Variants in EFHD2 observed in about 807,000 individuals in gnomAD.
EFHD2 encodes the protein EF-hand domain-containing protein D2.
In EFHD2, 12 loss-of-function variants were observed where a neutral mutation model predicts 20.3. The observed-to-expected ratio is 0.59, with a 90% CI of 0.38 to 0.96. The LOEUF is 0.96. Ranked by LOEUF, EFHD2 falls within the 40% of genes least tolerant of loss-of-function variation. The pLI, the probability that EFHD2 is intolerant of heterozygous loss-of-function variation, is 0.00. For synonymous variants in EFHD2, 131 were observed against 143.9 expected, an observed-to-expected ratio of 0.91 and a Z score of 0.64; for missense variants, 250 against 334.3, an observed-to-expected ratio of 0.75 and a Z score of 1.97.
chr1:15,415,805 T>A (rs1707657619), intron 1 of EFHD2, among the ~76,000 whole-genome samples: 1 of 152,178 alleles, frequency 6.6e-6, no homozygotes, highest in Non-Finnish European at 1.5e-5. Context: ...CTATCATTTT[T>A]ATCCCCATTT....
At chr1:15,428,558 C>A (rs1707910806) in intron 3 of EFHD2, 35 bp from the exon 4 acceptor site, 2 of 1,604,742 alleles carry the variant, frequency 1.2e-6, no homozygotes, top group African/African-American at 2.7e-5. Flanking sequence ...CATACACCAT[C>A]CAGCCCTGAC....
At chr1:15,427,715 T>C (rs1707898114) in intron 3 of EFHD2, among the ~76,000 whole-genome samples, 2 of 152,152 alleles carry the variant, frequency 1.3e-5, no homozygotes, top group Non-Finnish European at 2.9e-5. Context: ...ACCCTCCCCT[T>C]TCAGCAGGTT....
intron 1 of EFHD2, among the ~76,000 whole-genome samples, chr1:15,422,946 ACCTT>A (rs1397133436): frequency 3.3e-5 from 5 of 150,442 alleles, no homozygotes; most frequent in Non-Finnish European, 2.9e-5. Context: ...GTCATCGCTG[ACCTT>A]GGGAGCCCAG....
chr1:15,424,572 A>G (rs1707842463), intron 1 of EFHD2, among the ~76,000 whole-genome samples: 1 of 151,858 alleles, frequency 6.6e-6, no homozygotes, highest in African/African-American at 2.4e-5. Context: ...CACCCCGCCA[A>G]TCTCCGCCAC....
At chr1:15,423,073 G>A (rs974376706) in intron 1 of EFHD2, among the ~76,000 whole-genome samples, 3 of 152,122 alleles carry the variant, frequency 2.0e-5, no homozygotes, top group Admixed American at 1.3e-4. Flanking sequence ...ACAGCCCCAC[G>A]GTCATGTGGC....
At chr1:15,423,948 GGGA>G (rs562355565) in intron 1 of EFHD2, among the ~76,000 whole-genome samples, 65 of 152,198 alleles carry the variant, frequency 4.3e-4, no homozygotes, top group African/African-American at 1.5e-3. Flanking sequence ...CCAGCACTCT[GGGA>G]GGCTGATGTA....
At chr1:15,422,514 C>T (rs2103277365) in intron 1 of EFHD2, among the ~76,000 whole-genome samples, 1 of 152,222 alleles carries the variant, frequency 6.6e-6, no homozygotes, top group East Asian at 1.9e-4. Context: ...ACCAAAAACA[C>T]CTCTAGACAT....
Position 15,428,684 on chromosome 1 carries a change from G to A in EFHD2, c.683G>A (p.Arg228Gln), listed in dbSNP as rs769340449. Reference protein sequence around the residue: ...RKKQAEEMKQRKAAFKELQST... With the variant: ...RKKQAEEMKQQKAAFKELQST... The stretch of plus-strand genomic sequence containing the variant: ...AAGCAGGCGGAGGAGATGAAGCAGC[G>A]GAAAGCGGCCTTCAAGGAGCTGCAG... Residue 228 changes from arginine to glutamine, a missense_variant, in exon 4 of 4, where the codon CGG (arginine) becomes CAG (glutamine). Arg to Gln is a conservative substitution (Grantham distance 43). Transcript: ENST00000375980. The A allele has an allele frequency of 5.6e-6, 9 of 1,603,170 alleles. No individual in the cohort carries two copies. Among genetic ancestry groups the A allele is most frequent in the Admixed American group, 1.7e-5 (1 of 58,742 alleles).
Position 15,428,718 on chromosome 1 carries a change from T to C in EFHD2, c.717T>C (p.Phe239=). 1 of 1,585,468 alleles carries C rather than the reference T, an allele frequency of 6.3e-7. No homozygotes were observed. Among genetic ancestry groups the C allele is most frequent in the Non-Finnish European group, 8.6e-7 (1 of 1,166,832 alleles). The change falls in exon 4 of 4, where the codon TTT becomes TTC. Residue 239 remains phenylalanine (F), a synonymous_variant. Transcript: ENST00000375980. Reference sequence around the variant, plus strand: ...CCTTCAAGGAGCTGCAGTCCACCTTTAAGTAGCGGGGGCTGCAGCCGACCG... The same window carrying C: ...CCTTCAAGGAGCTGCAGTCCACCTTCAAGTAGCGGGGGCTGCAGCCGACCG... The part of the protein sequence containing the change: ...KAAFKELQST[F]K
chr1:15,418,462 C>T (rs1405403298), intron 1 of EFHD2, among the ~76,000 whole-genome samples: 19 of 151,526 alleles, frequency 1.3e-4, no homozygotes, highest in East Asian at 7.8e-4. Flanking sequence ...CCCACCATCA[C>T]GCCCGGCTAA....
intron 1 of EFHD2, among the ~76,000 whole-genome samples, chr1:15,417,294 G>C (rs1196198619): frequency 6.6e-6 from 1 of 152,224 alleles, no homozygotes; most frequent in Admixed American, 6.5e-5. Context: ...TAAAGATTAA[G>C]TTACGTTATA....
At chr1:15,421,872 A>G (rs963207629) in intron 1 of EFHD2, among the ~76,000 whole-genome samples, 1 of 152,138 alleles carries the variant, frequency 6.6e-6, no homozygotes, top group Non-Finnish European at 1.5e-5. Context: ...GTAAAGAGAA[A>G]GTGCTGGTGC....
In EFHD2 at chr1:15,426,443, C is replaced by T. The variant is rs1295930336; in HGVS notation, c.456+425C>T. Among the ~76,000 whole-genome samples the T allele has an allele frequency of 2.0e-5, 3 of 152,070 alleles. No homozygotes were observed. The highest frequency in any genetic ancestry group is 1.9e-4 in the East Asian group (1 of 5,178). Reference sequence around the variant, plus strand: ...TGACTTCACGCCCAGGATCTCACTCCGAGACAGGAGCTAGGGGCAAGCCGG... The same window carrying T: ...TGACTTCACGCCCAGGATCTCACTCTGAGACAGGAGCTAGGGGCAAGCCGG... On this transcript the variant is annotated intron_variant, in intron 2 of 3. Coordinates refer to ENST00000375980, the MANE Select transcript of EFHD2 (RefSeq NM_024329.6). The surrounding 1 kb of genome is among the most constrained non-coding windows in gnomAD (Gnocchi z 4.6).
At chr1:15,416,696 G>A (rs1329772249) in intron 1 of EFHD2, among the ~76,000 whole-genome samples, 2 of 151,060 alleles carry the variant, frequency 1.3e-5, no homozygotes, top group Non-Finnish European at 2.9e-5. Flanking sequence ...GGGCCTCCCC[G>A]GCTCCAAGTC....
rs1457787430 is a variant in EFHD2 at position 15,428,953 on chromosome 1, C to T, written c.*229C>T. On this transcript the variant is annotated 3_prime_UTR_variant, in exon 4 of 4. Coordinates refer to ENST00000375980, the MANE Select transcript of EFHD2 (RefSeq NM_024329.6). The stretch of plus-strand genomic sequence containing the variant: ...CACCGGCGCTGGCTCCCTGCCCGGC[C>T]CGGCCCTCCCTGGCAATCCCTGGGC... 5 of 582,414 alleles carry T rather than the reference C, an allele frequency of 8.6e-6. No homozygotes were observed. In the Admixed American group the frequency reaches 1.6e-4, roughly 19 times the overall value. The allele number at this position is 582,414 out of a possible 1,614,324, so 36.1% of individuals were successfully genotyped here.
chr1:15,428,428 C>T (rs1188555598), intron 3 of EFHD2, among the ~76,000 whole-genome samples, 165 bp from the exon 4 acceptor site: 1 of 152,170 alleles, frequency 6.6e-6, no homozygotes, highest in Non-Finnish European at 1.5e-5. Flanking sequence ...ACCTGGAAGG[C>T]AGAGGTTGCA....
intron 1 of EFHD2, among the ~76,000 whole-genome samples, chr1:15,422,356 GC>G (rs1553132762): frequency 6.6e-6 from 1 of 151,814 alleles, no homozygotes; most frequent in Non-Finnish European, 1.5e-5. Context: ...CTCCCAAAGC[GC>G]TGGGATTATA....
intron 1 of EFHD2, among the ~76,000 whole-genome samples, chr1:15,412,602 C>T (rs1227662011): frequency 4.6e-5 from 7 of 152,144 alleles, no homozygotes; most frequent in African/African-American, 7.2e-5. Flanking sequence ...CCCCAGCCCC[C>T]GTCTCTCCTT....
At chr1:15,410,899 A>C (rs1037248895) in intron 1 of EFHD2, among the ~76,000 whole-genome samples, 3 of 151,926 alleles carry the variant, frequency 2.0e-5, no homozygotes, top group Non-Finnish European at 4.4e-5. Context: ...CTTCCTCTCC[A>C]GTTACTTAGC....
Sources: allele counts gnomAD v4.1 joint callset (sites outside exome capture counted in the v4.1 genomes callset), GRCh38; gene constraint gnomAD v4.1.1; non-coding constraint Gnocchi (gnomAD v3.1); transcripts MANE v1.5; gene names NCBI Gene and HGNC (gene_info 2026-07-23, HGNC 2026-07-21).